The following TESK2 variants were observed in gnomAD, a reference collection of about 807,000 sequenced individuals.
TESK2 encodes testis associated actin remodelling kinase 2.
TESK2 carries 39 observed loss-of-function variants against 57.1 expected under a neutral mutation model. The ratio of observed to expected loss-of-function variants is 0.68; its 90% CI spans 0.53 to 0.89. TESK2 has a LOEUF of 0.89. Among genes scored for constraint, TESK2 ranks in the 40% least tolerant of loss-of-function variants. TESK2 has a pLI of 0.00. For missense variants in TESK2, 646 were observed against 732.1 expected, an observed-to-expected ratio of 0.88 and a Z score of 1.36; for synonymous variants, 249 against 267.9, an observed-to-expected ratio of 0.93 and a Z score of 0.69.
chr1:45,427,099 T>C lies in TESK2; in HGVS notation c.223-5253A>G, dbSNP rs142735627. 3.4e-3 allele frequency among the ~76,000 whole-genome samples: 524 copies of C among 151,918 alleles called. 6 individuals carry two copies. Among genetic ancestry groups the C allele is most frequent in the East Asian group, 0.031 (159 of 5,170 alleles). ...CTCCACTAAAAATACAAAAATTAGC[T>C]GGGCATGGTAGTGCACGTCTGTAAT... On this transcript the variant is annotated intron_variant, in intron 2 of 10. Transcript: ENST00000372086.
chr1:45,393,168 C>G (rs1191469148), intron 3 of TESK2, among the ~76,000 whole-genome samples: 8 of 152,008 alleles, frequency 5.3e-5, no homozygotes, highest in Non-Finnish European at 8.8e-5. Context: ...TGTGACACAC[C>G]CTTGCTTTTC....
chr1:45,473,560 A>G (rs1427385141), intron 1 of TESK2, among the ~76,000 whole-genome samples: 3 of 152,156 alleles, frequency 2.0e-5, no homozygotes, highest in Non-Finnish European at 4.4e-5. Flanking sequence ...CTGGCCTACT[A>G]AAACAACACC....
At chr1:45,447,370 T>C (rs1651685570) in intron 2 of TESK2, among the ~76,000 whole-genome samples, 1 of 152,108 alleles carries the variant, frequency 6.6e-6, no homozygotes, top group Non-Finnish European at 1.5e-5. Flanking sequence ...TTTAAACATT[T>C]ATGTTAAAAA....
chr1:45,453,014 G>A (rs188106040), intron 2 of TESK2, among the ~76,000 whole-genome samples: 12 of 151,724 alleles, frequency 7.9e-5, no homozygotes, highest in Non-Finnish European at 1.0e-4. Flanking sequence ...CCACTGCACT[G>A]CCGCCTGGAT....
At chr1:45,470,628 C>A (rs1310490487) in intron 1 of TESK2, among the ~76,000 whole-genome samples, 1 of 152,154 alleles carries the variant, frequency 6.6e-6, no homozygotes, top group African/African-American at 2.4e-5. Flanking sequence ...GGCCCTAAGC[C>A]ATGACATAAA....
At chr1:45,382,395 C>T (rs941877327) in intron 4 of TESK2, among the ~76,000 whole-genome samples, 7 of 152,096 alleles carry the variant, frequency 4.6e-5, no homozygotes, top group African/African-American at 1.7e-4. Flanking sequence ...CATGCTACCA[C>T]ACCTGACTAA....
At chr1:45,357,817 C>A (rs1383818072) in intron 4 of TESK2, among the ~76,000 whole-genome samples, 1 of 149,792 alleles carries the variant, frequency 6.7e-6, no homozygotes, top group East Asian at 2.0e-4. Flanking sequence ...ACCAGCCTGA[C>A]CAACATGGAG....
At chr1:45,348,372 C>A (rs1220376557) in intron 5 of TESK2, among the ~76,000 whole-genome samples, 3 of 152,250 alleles carry the variant, frequency 2.0e-5, no homozygotes, top group Non-Finnish European at 4.4e-5. Flanking sequence ...CCTGGCCTCC[C>A]TTCCTCCTTC....
intron 3 of TESK2, among the ~76,000 whole-genome samples, chr1:45,391,663 T>G (rs535521722): frequency 6.6e-6 from 1 of 152,302 alleles, no homozygotes; most frequent in African/African-American, 2.4e-5. Context: ...GAATACTATA[T>G]TTACTGAAAA....
chr1:45,379,623 G>A (rs1344730615), intron 4 of TESK2, among the ~76,000 whole-genome samples: 1 of 152,224 alleles, frequency 6.6e-6, no homozygotes, highest in Non-Finnish European at 1.5e-5. Context: ...AATTTCCAAA[G>A]TCACTAATAC....
At chr1:45,419,211 T>C (rs1340416364) in intron 3 of TESK2, among the ~76,000 whole-genome samples, 1 of 151,890 alleles carries the variant, frequency 6.6e-6, no homozygotes, top group Non-Finnish European at 1.5e-5. Context: ...CTCTTGACCT[T>C]GTGATCTGCC....
intron 3 of TESK2, chr1:45,398,890 T>C (rs1269721117): frequency 1.5e-5 from 6 of 412,286 alleles, no homozygotes; most frequent in Non-Finnish European, 1.9e-5. Flanking sequence ...TGCCAGCAGA[T>C]GCAGAAGATC....
intron 1 of TESK2, among the ~76,000 whole-genome samples, chr1:45,482,054 C>G (rs1010090230): frequency 6.6e-6 from 1 of 152,312 alleles, no homozygotes; most frequent in Non-Finnish European, 1.5e-5. Flanking sequence ...ATCGTCTCCA[C>G]GTGAGCAGTT....
chr1:45,349,424 G>A (rs1647202266), intron 5 of TESK2, among the ~76,000 whole-genome samples: 1 of 152,208 alleles, frequency 6.6e-6, no homozygotes, highest in Non-Finnish European at 1.5e-5. Context: ...TCTGTGAGAA[G>A]ATGGGCCCTA....
intron 1 of TESK2, among the ~76,000 whole-genome samples, chr1:45,482,090 G>GTGTCACAA (rs1260296822): frequency 6.6e-6 from 1 of 152,180 alleles, no homozygotes; most frequent in Non-Finnish European, 1.5e-5. Flanking sequence ...AAGTGTCACA[G>GTGTCACAA]TAAAAAGTGA....
intron 1 of TESK2, among the ~76,000 whole-genome samples, chr1:45,467,038 A>G (rs1168864052): frequency 6.6e-6 from 1 of 152,124 alleles, no homozygotes; most frequent in African/African-American, 2.4e-5. Flanking sequence ...CTAAATTCAT[A>G]ATAGTATTTG....
intron 3 of TESK2, among the ~76,000 whole-genome samples, chr1:45,395,648 C>T (rs1005745142): frequency 2.6e-5 from 4 of 151,042 alleles, no homozygotes; most frequent in African/African-American, 9.7e-5. Flanking sequence ...ACTCTGTCAC[C>T]CAGGCTGGAG....
rs1280904086 is a variant in TESK2, at chr1:45,345,536, C to G, written c.1020G>C (p.Gly340=). 6.2e-7 allele frequency: 1 copy of G among 1,613,690 alleles called. No individual in the cohort carries two copies. The highest frequency in any genetic ancestry group is 1.3e-5 in the African/African-American group (1 of 74,864). ...TARGLLEKAP[G]VKRLSSLDDK... is the part of the protein sequence containing the mutation. The stretch of plus-strand genomic sequence containing the variant: ...CATCCAGTGAGCTTAGTCGCTTCAC[C>G]CCAGGTGCTTTCTCCAAGAGTCCTG... Residue 340 remains glycine, a synonymous_variant, in exon 11 of 11, where the codon GGG becomes GGC. Coordinates refer to ENST00000372086, the MANE Select transcript of TESK2 (RefSeq NM_007170.3).
At chr1:45,448,348 C>T (rs1570741546) in intron 2 of TESK2, among the ~76,000 whole-genome samples, 2 of 151,608 alleles carry the variant, frequency 1.3e-5, no homozygotes, top group East Asian at 3.9e-4. Flanking sequence ...TTGAAAAATA[C>T]TCAACATCAT....
Sources: gnomAD v4.1 joint callset for allele counts (sites outside exome capture counted in the v4.1 genomes callset) on GRCh38, gnomAD v4.1.1 for gene constraint, MANE v1.5 for transcripts, NCBI Gene and HGNC (gene_info 2026-07-23, HGNC 2026-07-21) for gene names.